Variants in PLCL1 observed in about 807,000 individuals in gnomAD.
PLCL1 encodes the protein inactive phospholipase C-like protein 1.
In PLCL1, 41 loss-of-function variants were observed where a neutral mutation model predicts 84.4. The ratio of observed to expected loss-of-function variants is 0.49; its 90% CI spans 0.38 to 0.63. PLCL1 has a LOEUF of 0.63. Among genes scored for constraint, PLCL1 ranks in the 30% least tolerant of loss-of-function variants. The probability of loss-of-function intolerance (pLI) is 0.00; values close to 1 mark genes in which losing one functional copy is unlikely to be tolerated. For synonymous variants in PLCL1, 490 were observed against 488.3 expected (o/e 1.00, Z -0.05); for missense variants, 1,206 against 1,367.8 (o/e 0.88, Z 1.87).
intron 1 of PLCL1, among the ~76,000 whole-genome samples, chr2:197,870,214 G>C (rs1233571707): frequency 1.3e-5 from 2 of 152,098 alleles, no homozygotes; most frequent in Non-Finnish European, 2.9e-5. Flanking sequence ...AAATGCTAAG[G>C]GGAGCTTTGC....
At chr2:197,917,398 G>T (rs1688618097) in intron 1 of PLCL1, among the ~76,000 whole-genome samples, 1 of 152,148 alleles carries the variant, frequency 6.6e-6, no homozygotes, top group Admixed American at 6.5e-5. Context: ...CATACTCTAT[G>T]GTTCCAATTA....
intron 1 of PLCL1, among the ~76,000 whole-genome samples, chr2:197,831,688 A>G (rs1396196362): frequency 6.6e-6 from 1 of 152,034 alleles, no homozygotes; most frequent in Non-Finnish European, 1.5e-5. Flanking sequence ...CATCTACAGA[A>G]CTCTCCACCC....
chr2:197,902,904 G>A (rs557699032), intron 1 of PLCL1, among the ~76,000 whole-genome samples: 11 of 152,258 alleles, frequency 7.2e-5, no homozygotes, highest in Non-Finnish European at 1.3e-4. Context: ...GCTCAGGAGA[G>A]TGCTGATTCT....
intron 1 of PLCL1, among the ~76,000 whole-genome samples, chr2:198,026,022 C>T (rs1691255618): frequency 1.3e-5 from 2 of 152,064 alleles, no homozygotes; most frequent in Admixed American, 1.3e-4. Context: ...TTAAGGCTGG[C>T]ATTAAAGAGT....
intron 1 of PLCL1, among the ~76,000 whole-genome samples, chr2:198,069,032 C>T (rs2105883366): frequency 6.6e-6 from 1 of 150,942 alleles, no homozygotes; most frequent in Non-Finnish European, 1.5e-5. Context: ...GAGACTCTGT[C>T]TCAAATAAAA....
chr2:197,983,194 TCTTTTC>T (rs1183550987), intron 1 of PLCL1, among the ~76,000 whole-genome samples: 26 of 129,684 alleles, frequency 2.0e-4, no homozygotes, highest in African/African-American at 5.9e-4. Flanking sequence ...CTTTTTCTTT[TCTTTTC>T]TTTTTTTTTT....
chr2:197,876,789 C>G (rs1490024264), intron 1 of PLCL1, among the ~76,000 whole-genome samples: 1 of 152,132 alleles, frequency 6.6e-6, no homozygotes. Flanking sequence ...ATCATCAAGT[C>G]TTGCATATCA....
intron 1 of PLCL1, among the ~76,000 whole-genome samples, chr2:198,071,392 G>T (rs1692461063): frequency 6.6e-6 from 1 of 151,790 alleles, no homozygotes. Context: ...CAAAGTAGAT[G>T]CATCTTTAAT....
Position 197,905,699 on chromosome 2 carries a change from G to A in PLCL1, c.240+100360G>A, listed in dbSNP as rs150231274. ...TGTCTTCCACCAACAGTGTAAAAGCGTTCCTATTTCTCCACAGCCTTGCCA... is the reference window on the plus strand; with the variant it reads ...TGTCTTCCACCAACAGTGTAAAAGCATTCCTATTTCTCCACAGCCTTGCCA... On this transcript the variant is annotated intron_variant, in intron 1 of 5. Transcript: ENST00000428675. Among the ~76,000 whole-genome samples the A allele has an allele frequency of 2.6e-3, 396 of 151,866 alleles. 1 individual carries two copies. The highest frequency in any genetic ancestry group is 9.0e-3 in the African/African-American group (372 of 41,500).
chr2:197,968,972 G>A (rs981885584), intron 1 of PLCL1, among the ~76,000 whole-genome samples: 1 of 152,212 alleles, frequency 6.6e-6, no homozygotes, highest in African/African-American at 2.4e-5. Flanking sequence ...ACAGCAGGAG[G>A]TGAGCTACAG....
chr2:197,883,815 T>C (rs1402609316), intron 1 of PLCL1, among the ~76,000 whole-genome samples: 1 of 152,202 alleles, frequency 6.6e-6, no homozygotes, highest in Non-Finnish European at 1.5e-5. Context: ...TTATATCAAG[T>C]TGAGTAGGAC....
At chr2:198,048,920 G>A (rs1021049643) in intron 1 of PLCL1, among the ~76,000 whole-genome samples, 1 of 152,218 alleles carries the variant, frequency 6.6e-6, no homozygotes, top group Non-Finnish European at 1.5e-5. Context: ...CAATGAGCAT[G>A]GTTTGTGTAG....
intron 1 of PLCL1, among the ~76,000 whole-genome samples, chr2:197,961,393 C>T (rs1184285568): frequency 6.6e-6 from 1 of 151,880 alleles, no homozygotes; most frequent in Middle Eastern, 3.2e-3. Context: ...TTGAAGATAT[C>T]AGGATCATTA....
chr2:197,867,488 G>A (rs1559029975), intron 1 of PLCL1, among the ~76,000 whole-genome samples: 2 of 151,976 alleles, frequency 1.3e-5, no homozygotes, highest in Admixed American at 6.6e-5. Context: ...GGCAAAATTA[G>A]CATCTGATGA....
intron 1 of PLCL1, among the ~76,000 whole-genome samples, chr2:198,061,668 C>T (rs746109176): frequency 2.6e-5 from 4 of 152,142 alleles, no homozygotes; most frequent in East Asian, 1.9e-4. Flanking sequence ...GGCACCATCT[C>T]GGTTTACTGC....
intron 1 of PLCL1, among the ~76,000 whole-genome samples, chr2:197,834,400 C>T (rs1211094965): frequency 1.3e-5 from 2 of 152,038 alleles, no homozygotes; most frequent in African/African-American, 4.8e-5. Context: ...TGCCATGTAG[C>T]CATCTGACAA....
intron 5 of PLCL1, among the ~76,000 whole-genome samples, chr2:198,114,721 A>G (rs186724736): frequency 3.9e-5 from 6 of 151,978 alleles, no homozygotes; most frequent in Non-Finnish European, 8.8e-5. Context: ...CTCAAGGAAG[A>G]CAAAAATGGG....
chr2:198,005,991 G>T (rs768961013), intron 1 of PLCL1, among the ~76,000 whole-genome samples: 2 of 152,192 alleles, frequency 1.3e-5, no homozygotes, highest in African/African-American at 4.8e-5. Context: ...TAGGAATGCT[G>T]ATTAAGGCAC....
At chr2:198,068,423 G>A (rs1304001130) in intron 1 of PLCL1, among the ~76,000 whole-genome samples, 1 of 152,184 alleles carries the variant, frequency 6.6e-6, no homozygotes, top group Non-Finnish European at 1.5e-5. Flanking sequence ...AGAAGAAAGT[G>A]TAATGTGAAT....
Sources: gnomAD v4.1 joint callset for allele counts (sites outside exome capture counted in the v4.1 genomes callset) on GRCh38, gnomAD v4.1.1 for gene constraint, MANE v1.5 for transcripts, NCBI Gene and HGNC (gene_info 2026-07-23, HGNC 2026-07-21) for gene names.